The following FANCE variants were observed in gnomAD, a reference collection of about 807,000 sequenced individuals.
The protein encoded by FANCE is Fanconi anemia group E protein.
In FANCE, 42 loss-of-function variants were observed where a neutral mutation model predicts 57.8. That is an observed-to-expected ratio of 0.73 (90% confidence interval 0.57 to 0.94). The LOEUF (loss-of-function observed/expected upper bound fraction) is 0.94, where lower values mean the gene tolerates loss of function less well. Ranked by LOEUF, FANCE falls within the 40% of genes least tolerant of loss-of-function variation. The pLI is 0.00. For missense variants in FANCE, 608 were observed against 661.8 expected (o/e 0.92, Z 0.89); for synonymous variants, 251 against 286.4 (o/e 0.88, Z 1.25).
At chr6:35,457,702 G>C (rs1338839580) in intron 3 of FANCE, 102 bp downstream of exon 3, 2 of 1,348,540 alleles carry the variant, frequency 1.5e-6, no homozygotes, top group South Asian at 2.4e-5. Context: ...CAAGCTGGCT[G>C]GGGGAGGGGG....
intron 9 of FANCE, among the ~76,000 whole-genome samples, chr6:35,464,205 T>G (rs1231824000): frequency 1.3e-5 from 2 of 151,396 alleles, no homozygotes; most frequent in African/African-American, 2.4e-5. Context: ...TTATTAAATT[T>G]AATTTTTCAA....
chr6:35,458,570 G>T, intron 5 of FANCE, 130 bp downstream of exon 5: 1 of 1,141,136 alleles, frequency 8.8e-7, no homozygotes, highest in Non-Finnish European at 1.3e-6. Context: ...GCAGCCTGGG[G>T]CAAGGAAAGG....
intron 8 of FANCE, among the ~76,000 whole-genome samples, chr6:35,460,968 A>G (rs1358665697): frequency 1.3e-5 from 2 of 152,084 alleles, no homozygotes; most frequent in African/African-American, 4.8e-5. Context: ...GCCCAGGCCG[A>G]AGTGCAGTGG....
chr6:35,452,933 C>G lies in FANCE; in HGVS notation c.248+140C>G, dbSNP rs374108317. On this transcript the variant is annotated intron_variant, in intron 1 of 9. Coordinates refer to ENST00000229769, the MANE Select transcript of FANCE (RefSeq NM_021922.3). ...GAGCAGGGGCACCCTTCACTGAGCA[C>G]TTGCTGTGTGCGGGACATCGAGGAT... 2.2e-5 allele frequency: 20 copies of G among 899,654 alleles called. No individual in the cohort carries two copies. In the East Asian group the frequency reaches 4.7e-4, roughly 21 times the overall value. 55.7% of individuals were successfully genotyped at this position (899,654 alleles called of 1,614,324 possible). A position where few individuals can be genotyped will look rare whatever the true frequency, so the allele number is the denominator to read the frequency against.
chr6:35,455,452 C>T (rs531170895), intron 1 of FANCE, among the ~76,000 whole-genome samples: 22 of 152,248 alleles, frequency 1.4e-4, no homozygotes, highest in African/African-American at 4.6e-4. Context: ...GAACTACAGG[C>T]GCATGCCACC....
chr6:35,452,342 C>T lies in FANCE; in HGVS notation c.-204C>T, dbSNP rs962423339. ...CGCCCCCGGCCGCGCCTCCCTCCTT[C>T]CCTTTCCGACAGCGCGGGAACGGCT... On this transcript the variant is annotated 5_prime_UTR_variant, in exon 1 of 10. Transcript: ENST00000229769. The T allele has an allele frequency of 3.9e-5, 18 of 460,072 alleles. No individual in the cohort carries two copies. Among genetic ancestry groups the T allele is most frequent in the Non-Finnish European group, 5.7e-5 (17 of 298,030 alleles). 28.5% of individuals were successfully genotyped at this position (460,072 alleles called of 1,614,324 possible).
Position 35,466,767 on chromosome 6 carries a change from G to T in FANCE, c.*422G>T. 1 of 316,806 alleles carries T rather than the reference G, an allele frequency of 3.2e-6. No individual in the cohort carries two copies. The highest frequency in any genetic ancestry group is 6.0e-6 in the Non-Finnish European group (1 of 167,704). The allele number at this position is 316,806 out of a possible 1,614,324, so 19.6% of individuals were successfully genotyped here. A position where few individuals can be genotyped will look rare whatever the true frequency, so the allele number is the denominator to read the frequency against. On this transcript the variant is annotated 3_prime_UTR_variant, in exon 10 of 10. Transcript: ENST00000229769. ...TGTAGATAATATGCTGGTCAGGGCTGGTCTTGAACTCCTGAGCTCAAGTGA... is the reference window on the plus strand; with the variant it reads ...TGTAGATAATATGCTGGTCAGGGCTTGTCTTGAACTCCTGAGCTCAAGTGA...
rs1767145937 is a variant in FANCE at position 35,452,556 on chromosome 6, C to T, written c.11C>T (p.Pro4Leu). 1 of 1,326,806 alleles carries T rather than the reference C, an allele frequency of 7.5e-7. No individual in the cohort carries two copies. The highest frequency in any genetic ancestry group is 9.7e-7 in the Non-Finnish European group (1 of 1,034,016). 82.2% of individuals were successfully genotyped at this position (1,326,806 alleles called of 1,614,324 possible). A position where few individuals can be genotyped will look rare whatever the true frequency, so the allele number is the denominator to read the frequency against. The change falls in exon 1 of 10, where the codon CCG becomes CTG. Residue 4 changes from proline to leucine, a missense_variant. Pro to Leu is a moderately conservative substitution (Grantham distance 98). Coordinates refer to ENST00000229769, the MANE Select transcript of FANCE (RefSeq NM_021922.3). ...CACCCGTGCCCCGGCATGGCGACAC[C>T]GGACGCGGGGCTCCCTGGGGCTGAG... MAT[P>L]DAGLPGAEGV...
At chr6:35,453,909 A>G (rs947847107) in intron 1 of FANCE, among the ~76,000 whole-genome samples, 1 of 152,188 alleles carries the variant, frequency 6.6e-6, no homozygotes, top group Non-Finnish European at 1.5e-5. Context: ...ATAATCCTAG[A>G]TATTTTATCA....
intron 9 of FANCE, 76 bp downstream of exon 9, chr6:35,462,990 T>C: frequency 1.9e-6 from 3 of 1,599,436 alleles, no homozygotes; most frequent in Non-Finnish European, 2.6e-6. Flanking sequence ...TGTATGAATA[T>C]GTATGTCAGG....
At chr6:35,458,748 C>A (rs1010998958) in intron 5 of FANCE, among the ~76,000 whole-genome samples, 7 of 151,694 alleles carry the variant, frequency 4.6e-5, no homozygotes, top group Non-Finnish European at 2.9e-5. Context: ...ATCACAGGTG[C>A]CTTCCACCAT....
chr6:35,464,484 G>A (rs556478980), intron 9 of FANCE, among the ~76,000 whole-genome samples: 7 of 150,726 alleles, frequency 4.6e-5, no homozygotes, highest in South Asian at 4.2e-4. Context: ...TGATCTGTCC[G>A]CCTTGGCCTC....
At chr6:35,452,827 G>T (rs2150886272) in intron 1 of FANCE, 34 bp downstream of exon 1, 1 of 1,291,090 alleles carries the variant, frequency 7.7e-7, no homozygotes, top group Non-Finnish European at 9.9e-7. Context: ...TAGCAGGTAT[G>T]GGAGGCGGGG....
rs1461054145 is a variant in FANCE, at chr6:35,459,437, T to C, written c.1220T>C (p.Leu407Pro). 2 of 1,613,948 alleles carry C rather than the reference T, an allele frequency of 1.2e-6. No homozygotes were observed. Among genetic ancestry groups the C allele is most frequent in the African/African-American group, 2.7e-5 (2 of 74,884 alleles). Residue 407 changes from leucine (L) to proline (P), a missense_variant, in exon 6 of 10, where the codon CTC becomes CCC. By Grantham distance (98) the Leu-to-Pro change is moderately conservative (BLOSUM62 -3). Coordinates refer to ENST00000229769, the MANE Select transcript of FANCE (RefSeq NM_021922.3). ...TGCAGCGCCCTCCTTGACCCTGTGC[T>C]CCAGGCCCCAGGCACAGGTAATTCT... ...PVCSALLDPV[L>P]QAPGTGPAQT... is the part of the protein sequence containing the mutation.
rs1010030979 is a variant in FANCE at position 35,466,588 on chromosome 6, A to G, written c.*243A>G. On this transcript the variant is annotated 3_prime_UTR_variant, in exon 10 of 10. Transcript: ENST00000229769. Reference sequence around the variant, plus strand: ...TTTTCATTTCTTTTGTTTTTGAGAGAAGGTATTGCTCTGTCATCCAGGCTG... The same window carrying G: ...TTTTCATTTCTTTTGTTTTTGAGAGGAGGTATTGCTCTGTCATCCAGGCTG... 3.9e-5 allele frequency: 20 copies of G among 508,076 alleles called. No individual in the cohort carries two copies. The highest frequency in any genetic ancestry group is 3.6e-4 in the African/African-American group (19 of 52,108). The allele number at this position is 508,076 out of a possible 1,614,324, so 31.5% of individuals were successfully genotyped here.
In FANCE at chr6:35,452,414, A is replaced by G. The variant is rs886061325; in HGVS notation, c.-132A>G. 89 of 975,382 alleles carry G rather than the reference A, an allele frequency of 9.1e-5. No homozygotes were observed. The highest frequency in any genetic ancestry group is 1.1e-4 in the Non-Finnish European group (83 of 763,980). 60.4% of individuals were successfully genotyped at this position (975,382 alleles called of 1,614,324 possible). ...TCTCCGGTCTCCCAACGCCGAGGAG[A>G]GCTTGTAACAGGCGCTGGAGCTGGC... is the stretch of plus-strand genomic sequence containing the variant. On this transcript the variant is annotated 5_prime_UTR_variant, in exon 1 of 10. Coordinates refer to ENST00000229769, the MANE Select transcript of FANCE (RefSeq NM_021922.3).
chr6:35,455,927 T>G lies in FANCE; in HGVS notation c.429T>G (p.Asp143Glu), dbSNP rs1308686120. The change falls in exon 2 of 10, where the codon GAT becomes GAG. Residue 143 changes from aspartate to glutamate, a missense_variant. Coordinates refer to ENST00000229769, the MANE Select transcript of FANCE (RefSeq NM_021922.3). Reference sequence around the variant, plus strand: ...CCCTGGGGGAATTGCTGCGAAGGGATTTGGGGGTGGGGACCTCCATGGAGG... The same window carrying G: ...CCCTGGGGGAATTGCTGCGAAGGGAGTTGGGGGTGGGGACCTCCATGGAGG... ...LRALGELLRR[D>E]LGVGTSMEGA... The G allele has an allele frequency of 6.2e-7, 1 of 1,613,908 alleles. No homozygotes were observed. The highest frequency in any genetic ancestry group is 2.2e-5 in the East Asian group (1 of 44,866).
intron 9 of FANCE, among the ~76,000 whole-genome samples, chr6:35,463,363 C>T (rs1284355076): frequency 2.6e-5 from 4 of 152,008 alleles, no homozygotes; most frequent in African/African-American, 7.2e-5. Flanking sequence ...AAGTTCAAGC[C>T]CAGGACTGGG....
intron 5 of FANCE, 86 bp downstream of exon 5, chr6:35,458,526 G>A: frequency 6.6e-7 from 1 of 1,526,542 alleles, no homozygotes; most frequent in Non-Finnish European, 9.0e-7. Flanking sequence ...TGAGAGAGGG[G>A]ATTCCCAGCC....
Sources: gnomAD v4.1 joint callset for allele counts (sites outside exome capture counted in the v4.1 genomes callset) on GRCh38, gnomAD v4.1.1 for gene constraint, MANE v1.5 for transcripts, NCBI Gene and HGNC (gene_info 2026-07-23, HGNC 2026-07-21) for gene names.